Variants in OPA3 observed in about 807,000 individuals in gnomAD.
OPA3 encodes optic atrophy 3 protein.
A neutral mutation model predicts 4.0 loss-of-function variants in OPA3; 6 were observed. The observed-to-expected ratio is 1.51, with a 90% confidence interval of 0.83 to 2.99. The LOEUF (loss-of-function observed/expected upper bound fraction) is 2.99. OPA3 is among the 30% of genes most tolerant of loss of function. The pLI is 0.00. For synonymous variants in OPA3, 105 were observed against 117.1 expected (o/e 0.90, Z 0.67); for missense variants, 235 against 256.2 (o/e 0.92, Z 0.56).
At chr19:45,580,001 C>CTTTT (rs57357578) in intron 1 of OPA3, among the ~76,000 whole-genome samples, 1 of 114,886 alleles carries the variant, frequency 8.7e-6, no homozygotes. Flanking sequence ...TTTTTTTTTT[C>CTTTT]TTTTTTTTTT....
At chr19:45,558,443 G>A (rs1644516058) in intron 1 of OPA3, among the ~76,000 whole-genome samples, 1 of 152,116 alleles carries the variant, frequency 6.6e-6, no homozygotes, top group Non-Finnish European at 1.5e-5. Context: ...ACTATAAAAT[G>A]TAAAGCCAAA....
chr19:45,578,633 G>A (rs1353981067), intron 1 of OPA3, among the ~76,000 whole-genome samples: 4 of 151,884 alleles, frequency 2.6e-5, no homozygotes. Context: ...TTAGAGACCA[G>A]CCTGATCAAC....
At chr19:45,567,498 G>T (rs1489068559) in intron 1 of OPA3, among the ~76,000 whole-genome samples, 1 of 152,046 alleles carries the variant, frequency 6.6e-6, no homozygotes, top group Admixed American at 6.6e-5. Context: ...AATCAACAAG[G>T]AGAGAAGTCA....
chr19:45,537,178 C>T (rs1170155779), intron 1 of OPA3, among the ~76,000 whole-genome samples: 2 of 151,540 alleles, frequency 1.3e-5, no homozygotes, highest in Non-Finnish European at 3.0e-5. Flanking sequence ...AGGCTTGTCT[C>T]GAACTTGTTT....
At chr19:45,555,437 A>G (rs963595104) in intron 1 of OPA3, among the ~76,000 whole-genome samples, 2 of 151,866 alleles carry the variant, frequency 1.3e-5, no homozygotes, top group African/African-American at 4.8e-5. Flanking sequence ...CCAGGCTCAA[A>G]TGATCCTCCC....
In OPA3 at chr19:45,553,432, A is replaced by G; in HGVS notation, c.*82T>C. 3 of 1,601,432 alleles carry G rather than the reference A, an allele frequency of 1.9e-6. No individual in the cohort carries two copies. The highest frequency in any genetic ancestry group is 2.5e-6 in the Non-Finnish European group (3 of 1,179,502). On this transcript the variant is annotated 3_prime_UTR_variant, in exon 2 of 2. Coordinates refer to ENST00000263275, the MANE Select transcript of OPA3 (RefSeq NM_025136.4). Reference sequence around the variant, plus strand: ...AGATCCTGGTGGTTTCCACTGGGCCAGCGCAGGCAAGGGTGGTGCGGGAAG... The same window carrying G: ...AGATCCTGGTGGTTTCCACTGGGCCGGCGCAGGCAAGGGTGGTGCGGGAAG...
rs543825688 is a variant in OPA3, at chr19:45,547,547, T to A, written c.*5967A>T. ...CAAGGCCACATCTGTCCTAGGACTT[T>A]CACAGATACTCACAGCCCTCTTCCT... On this transcript the variant is annotated 3_prime_UTR_variant, in exon 2 of 2. Transcript: ENST00000263275. The A allele has an allele frequency of 2.0e-5, 3 of 152,524 alleles. No individual in the cohort carries two copies. The highest frequency in any genetic ancestry group is 7.2e-5 in the African/African-American group (3 of 41,430). 9.4% of individuals were successfully genotyped at this position (152,524 alleles called of 1,614,324 possible).
Position 45,584,752 on chromosome 19 carries a change from C to T in OPA3, c.13G>A (p.Ala5Thr), listed in dbSNP as rs749185315. 2 of 1,613,966 alleles carry T rather than the reference C, an allele frequency of 1.2e-6. No homozygotes were observed. The highest frequency in any genetic ancestry group is 1.7e-6 in the Non-Finnish European group (2 of 1,180,022). MVVG[A>T]FPMAKLLYLG... ...TATAGCAGCTTCGCCATAGGGAACG[C>T]GCCCACCACCATCTTGGCGGTCTCA... The change falls in exon 1 of 2, where the codon GCG (alanine) becomes ACG (threonine). Residue 5 changes from alanine to threonine, a missense_variant. Coordinates refer to ENST00000263275, the MANE Select transcript of OPA3 (RefSeq NM_025136.4).
rs1057427467 is a variant in OPA3 at position 45,529,096 on chromosome 19, G to T, written c.503C>A (p.Pro168Gln). 34 of 1,599,776 alleles carry T rather than the reference G, an allele frequency of 2.1e-5. No individual in the cohort carries two copies. The Admixed American group carries it at 4.2e-4, about 20-fold the overall frequency. ...CGGCGCAACTGGGGGTGCAGGCGGC[G>T]GGTCTCGGAGGCAGAGGTGGGCTCG... Residue 168 changes from proline (P) to glutamine (Q), a missense_variant, in exon 2 of 2, where the codon CCG becomes CAG. Coordinates refer to the OPA3 transcript ENST00000323060.
At chr19:45,584,231 A>G (rs1191020154) in intron 1 of OPA3, 2 of 561,122 alleles carry the variant, frequency 3.6e-6, no homozygotes, top group Non-Finnish European at 4.5e-6. Flanking sequence ...CGCTTTTGAA[A>G]TGAAGTTGCC....
chr19:45,529,465 A>G (rs371115475), intron 1 of OPA3: 2 of 1,611,506 alleles, frequency 1.2e-6, no homozygotes, highest in Non-Finnish European at 1.7e-6. Flanking sequence ...CACTGCAGGA[A>G]AAGACAGGAG....
chr19:45,559,780 C>T (rs1303925346), intron 1 of OPA3, among the ~76,000 whole-genome samples: 2 of 152,022 alleles, frequency 1.3e-5, no homozygotes, highest in Non-Finnish European at 2.9e-5. Flanking sequence ...TCCAGGAAGC[C>T]CTCCCTGAAC....
At chr19:45,560,012 G>A (rs1309949592) in intron 1 of OPA3, among the ~76,000 whole-genome samples, 4 of 152,168 alleles carry the variant, frequency 2.6e-5, no homozygotes, top group Admixed American at 1.3e-4. Flanking sequence ...GGCAATGACA[G>A]AGTAAGGGAG....
downstream of OPA3, among the ~76,000 whole-genome samples, chr19:45,545,137 C>A (rs950128624): frequency 5.6e-5 from 8 of 142,618 alleles, no homozygotes; most frequent in African/African-American, 2.1e-4. Context: ...TGCACTCCAG[C>A]CTGGGCGACA....
At chr19:45,540,482 G>A (rs945213385) in intron 1 of OPA3, among the ~76,000 whole-genome samples, 9 of 150,352 alleles carry the variant, frequency 6.0e-5, no homozygotes, top group Non-Finnish European at 1.0e-4. Context: ...GATCGCTTGA[G>A]CCTGGGAGGT....
chr19:45,529,880 C>T (rs923610372), intron 1 of OPA3, among the ~76,000 whole-genome samples: 1 of 151,750 alleles, frequency 6.6e-6, no homozygotes, highest in African/African-American at 2.4e-5. Context: ...ACAACGTGTG[C>T]GCGCCATCAT....
At chr19:45,582,386 C>T (rs1159700314) in intron 1 of OPA3, among the ~76,000 whole-genome samples, 2 of 152,098 alleles carry the variant, frequency 1.3e-5, no homozygotes, top group Admixed American at 1.3e-4. Context: ...TTGCAAACTC[C>T]TGACCTCAGG....
rs1320450585 is a variant in OPA3, at chr19:45,528,852, G to A, written c.*204C>T. ...TCTTGGAACGTTCCACCTGCAGGAG[G>A]CGGAGAGTCCCAGTGGAAGGTACCA... On this transcript the variant is annotated 3_prime_UTR_variant, in exon 2 of 2. Transcript: ENST00000323060. 7 of 575,020 alleles carry A rather than the reference G, an allele frequency of 1.2e-5. No homozygotes were observed. In the East Asian group the frequency reaches 1.5e-4, roughly 12 times the overall value. 35.6% of individuals were successfully genotyped at this position (575,020 alleles called of 1,614,324 possible). A position where few individuals can be genotyped will look rare whatever the true frequency, so the allele number is the denominator to read the frequency against.
At chr19:45,545,741 C>T (rs1395067637), downstream of OPA3, among the ~76,000 whole-genome samples, 4 of 125,954 alleles carry the variant, frequency 3.2e-5, no homozygotes, top group Non-Finnish European at 6.3e-5. Flanking sequence ...GAGATGGAGT[C>T]TCACTCTGTT....
Sources: allele counts gnomAD v4.1 joint callset (sites outside exome capture counted in the v4.1 genomes callset), GRCh38; gene constraint gnomAD v4.1.1; transcripts MANE v1.5; gene names NCBI Gene and HGNC (gene_info 2026-07-23, HGNC 2026-07-21).